CDK17: variants seen among roughly 807,000 people sequenced by gnomAD.
CDK17 encodes cyclin-dependent kinase 17.
CDK17 carries 24 observed loss-of-function variants against 77.6 expected under a neutral mutation model. That is an observed-to-expected ratio of 0.31 (90% CI 0.22 to 0.44). The LOEUF (loss-of-function observed/expected upper bound fraction) is 0.44. Among genes scored for constraint, CDK17 ranks in the 20% least tolerant of loss-of-function variants. The pLI, the probability that CDK17 is intolerant of heterozygous loss-of-function variation, is 1.00. For synonymous variants in CDK17, 203 were observed against 210.4 expected (o/e 0.96, Z 0.30); for missense variants, 429 against 622.5 (o/e 0.69, Z 3.31).
chr12:96,336,100 G>A (rs983350061), intron 1 of CDK17, among the ~76,000 whole-genome samples: 3 of 151,384 alleles, frequency 2.0e-5, no homozygotes, highest in African/African-American at 4.9e-5. Flanking sequence ...CTTAAAAGCT[G>A]GGGGGGGAGG....
intron 7 of CDK17, among the ~76,000 whole-genome samples, chr12:96,297,926 C>T (rs1952433731): frequency 1.4e-5 from 2 of 146,194 alleles, no homozygotes; most frequent in African/African-American, 5.1e-5. Flanking sequence ...GGCAACAATG[C>T]TATTTAAAAA....
At chr12:96,313,591 G>A (rs1046240135) in intron 3 of CDK17, 137 bp from the exon 4 acceptor site, 1 of 450,090 alleles carries the variant, frequency 2.2e-6, no homozygotes, top group Non-Finnish European at 3.8e-6. Flanking sequence ...GGTGCCACAG[G>A]TATGCAGTTA....
intron 3 of CDK17, among the ~76,000 whole-genome samples, chr12:96,316,538 G>A (rs1239632971): frequency 1.3e-5 from 2 of 149,478 alleles, no homozygotes; most frequent in Non-Finnish European, 3.0e-5. Flanking sequence ...AGGAACCTCT[G>A]CAGACTTAAA....
chr12:96,398,154 C>T (rs1271846822), intron 1 of CDK17, among the ~76,000 whole-genome samples: 1 of 151,304 alleles, frequency 6.6e-6, no homozygotes, highest in East Asian at 1.9e-4. Flanking sequence ...TTTAAGCCAA[C>T]CATTCAAACT....
intron 2 of CDK17, among the ~76,000 whole-genome samples, chr12:96,331,099 C>T (rs533648252): frequency 1.1e-4 from 16 of 152,240 alleles, no homozygotes; most frequent in Non-Finnish European, 1.8e-4. Context: ...TGCGCCACCA[C>T]ATTCCATTAA....
At chr12:96,296,342 T>C (rs559096630) in intron 9 of CDK17, among the ~76,000 whole-genome samples, 4 of 152,116 alleles carry the variant, frequency 2.6e-5, no homozygotes, top group South Asian at 2.1e-4. Flanking sequence ...AGATGTAAAA[T>C]AAGATGAAAA....
At position 96,357,949 on chromosome 12, in the gene CDK17, A is replaced by C. The variant is rs1000878675; in HGVS notation, c.-29-23084T>G. ...TCTATTACAGACCAGATAATAGGTAACAAATTACGGTAATTCATAGAATAG... is the reference window on the plus strand; with the variant it reads ...TCTATTACAGACCAGATAATAGGTACCAAATTACGGTAATTCATAGAATAG... On this transcript the variant is annotated intron_variant, in intron 1 of 16. Transcript: ENST00000261211. Among the ~76,000 whole-genome samples the C allele has an allele frequency of 2.0e-5, 3 of 152,296 alleles. No individual in the cohort carries two copies. In the East Asian group the frequency reaches 5.8e-4, roughly 29 times the overall value.
At chr12:96,291,286 T>A (rs560708554) in intron 10 of CDK17, among the ~76,000 whole-genome samples, 81 of 152,228 alleles carry the variant, frequency 5.3e-4, no homozygotes, top group African/African-American at 1.4e-3. Context: ...TAAAAGTAGT[T>A]GTTGTTTTTT....
At position 96,376,157 on chromosome 12, in the gene CDK17, C is replaced by CA. The variant is rs529532353; in HGVS notation, c.-30+23828dup. On this transcript the variant is annotated intron_variant, in intron 1 of 16. Coordinates refer to ENST00000261211, the MANE Select transcript of CDK17 (RefSeq NM_002595.5). The stretch of plus-strand genomic sequence containing the variant: ...CTCCTGCTCAGGCAGATAAGAGCTA[C>CA]AAAAAACTTCATTGTTCATTTCAGG... Among the ~76,000 whole-genome samples, 167 of 152,302 alleles carry CA rather than the reference C, an allele frequency of 1.1e-3. 1 individual carries two copies. Among genetic ancestry groups the CA allele is most frequent in the African/African-American group, 3.9e-3 (164 of 41,568 alleles).
Position 96,282,544 on chromosome 12 carries a change from C to T in CDK17, c.1421G>A (p.Arg474Gln), listed in dbSNP as rs139401006. 2.2e-5 allele frequency: 35 copies of T among 1,612,744 alleles called. No homozygotes were observed. Among genetic ancestry groups the T allele is most frequent in the African/African-American group, 1.6e-4 (12 of 74,898 alleles). The change falls in exon 15 of 17, where the codon CGA becomes CAA. Residue 474 changes from arginine (R) to glutamine (Q), a missense_variant. Physicochemically the swap from Arg to Gln is conservative, Grantham distance 43. This residue lies in a region of CDK17 where 115 missense variants were observed against 124.2 expected (regional missense o/e 0.93). Coordinates refer to ENST00000261211, the MANE Select transcript of CDK17 (RefSeq NM_002595.5). ...AEEAMKHVYF[R>Q]SLGPRIHALP... is the part of the protein sequence containing the mutation. ...AGCATGTATTCTTGGTCCCAGACTT[C>T]GAAAGTACACATGTTTCATGGCCTC...
At chr12:96,322,171 G>A (rs1174998096) in intron 3 of CDK17, among the ~76,000 whole-genome samples, 2 of 152,162 alleles carry the variant, frequency 1.3e-5, no homozygotes, top group African/African-American at 4.8e-5. Context: ...GTGAAACAAT[G>A]ATGGCTTGTC....
intron 10 of CDK17, among the ~76,000 whole-genome samples, chr12:96,291,865 C>T (rs1196184858): frequency 3.3e-5 from 5 of 152,016 alleles, no homozygotes; most frequent in Non-Finnish European, 7.4e-5. Context: ...CTGATCCACC[C>T]GCCTTAGCAT....
chr12:96,371,564 G>A (rs1407433575), intron 1 of CDK17, among the ~76,000 whole-genome samples: 2 of 152,066 alleles, frequency 1.3e-5, no homozygotes, highest in African/African-American at 4.8e-5. Context: ...AGGCTGAGGT[G>A]GGCGGATCAC....
chr12:96,324,809 A>G (rs570176027), intron 2 of CDK17, among the ~76,000 whole-genome samples: 1 of 152,200 alleles, frequency 6.6e-6, no homozygotes, highest in East Asian at 1.9e-4. Flanking sequence ...TTAGAATATA[A>G]AAGACATGGT....
Position 96,280,954 on chromosome 12 carries a change from C to G in CDK17, c.1457-69G>C, listed in dbSNP as rs1369634396. ...AAAACAAACACAACCCTACTATCAA[C>G]AAATGTTTATAAAGCATATACTGAT... is the stretch of plus-strand genomic sequence containing the variant. On this transcript the variant is annotated intron_variant, in intron 15 of 16. Transcript: ENST00000261211. The G allele has an allele frequency of 2.0e-5, 25 of 1,255,482 alleles. No homozygotes were observed. The Admixed American group carries it at 5.0e-4, about 25-fold the overall frequency. The allele number at this position is 1,255,482 out of a possible 1,614,324, so 77.8% of individuals were successfully genotyped here. A position where few individuals can be genotyped will look rare whatever the true frequency, so the allele number is the denominator to read the frequency against.
At chr12:96,354,185 A>T (rs1436048925) in intron 1 of CDK17, among the ~76,000 whole-genome samples, 1 of 152,138 alleles carries the variant, frequency 6.6e-6, no homozygotes, top group Non-Finnish European at 1.5e-5. Context: ...CAAAAAAGTG[A>T]AGTGATCTGG....
intron 1 of CDK17, among the ~76,000 whole-genome samples, chr12:96,348,865 TAA>T (rs1226936730): frequency 1.3e-5 from 2 of 152,106 alleles, no homozygotes; most frequent in East Asian, 3.9e-4. Flanking sequence ...ACTTTACTGG[TAA>T]AGTCTACCAA....
At chr12:96,391,571 G>A (rs1954068710) in intron 1 of CDK17, among the ~76,000 whole-genome samples, 1 of 152,098 alleles carries the variant, frequency 6.6e-6, no homozygotes, top group African/African-American at 2.4e-5. Context: ...GATTACAGGC[G>A]TGAGCCACCG....
chr12:96,385,173 G>A (rs927256677), intron 1 of CDK17, among the ~76,000 whole-genome samples: 3 of 152,052 alleles, frequency 2.0e-5, no homozygotes, highest in Admixed American at 6.6e-5. Context: ...TTAGCCAGGC[G>A]TGGTGGTGGG....
Sources: allele counts gnomAD v4.1 joint callset (sites outside exome capture counted in the v4.1 genomes callset), GRCh38; gene constraint gnomAD v4.1.1; regional missense constraint gnomAD v4.1.1; transcripts MANE v1.5; gene names NCBI Gene and HGNC (gene_info 2026-07-23, HGNC 2026-07-21).